The following LRP1B variants were observed in gnomAD, a reference collection of about 807,000 sequenced individuals.
The protein encoded by LRP1B is low-density lipoprotein receptor-related protein 1B.
In LRP1B, 217 loss-of-function variants were observed where a neutral mutation model predicts 556.6. That is an observed-to-expected ratio of 0.39 (90% CI 0.35 to 0.44). The LOEUF is 0.44. LRP1B is among the 20% of genes least tolerant of loss of function. The probability of loss-of-function intolerance (pLI) is 1.00; values close to 1 mark genes in which losing one functional copy is unlikely to be tolerated. For missense variants in LRP1B, 5,053 were observed against 5,620.8 expected, an observed-to-expected ratio of 0.90 and a Z score of 3.23; for synonymous variants, 2,047 against 1,865.8, an observed-to-expected ratio of 1.10 and a Z score of -2.50.
intron 3 of LRP1B, among the ~76,000 whole-genome samples, chr2:141,350,542 T>A (rs1177245968): frequency 6.6e-6 from 1 of 152,100 alleles, no homozygotes; most frequent in African/African-American, 2.4e-5. Context: ...CCTAATCTTT[T>A]CAACTGTCTT....
chr2:140,684,292 C>T (rs1332010561), intron 41 of LRP1B, among the ~76,000 whole-genome samples: 1 of 152,146 alleles, frequency 6.6e-6, no homozygotes, highest in Admixed American at 6.5e-5. Context: ...TCTCATTGAA[C>T]TCTGTTCTCT....
At chr2:141,653,412 G>A (rs987990240) in intron 2 of LRP1B, among the ~76,000 whole-genome samples, 3 of 152,172 alleles carry the variant, frequency 2.0e-5, no homozygotes, top group African/African-American at 7.2e-5. Flanking sequence ...ATCAGTACGT[G>A]TCATAGAAAA....
intron 1 of LRP1B, among the ~76,000 whole-genome samples, chr2:141,889,503 A>C (rs749326442): frequency 6.6e-6 from 1 of 152,178 alleles, no homozygotes; most frequent in Non-Finnish European, 1.5e-5. Flanking sequence ...TCTAATTTTA[A>C]GTATACCTAC....
rs139598722 is a variant in LRP1B at position 140,274,901 on chromosome 2, A to T, written c.12968-303T>A. ...AGTTCCCTTAGCTTTCTTTCTAATG[A>T]ACAACGTAAGTATAGTTTGAAATGA... On this transcript the variant is annotated intron_variant, in intron 84 of 90. Transcript: ENST00000389484. Among the ~76,000 whole-genome samples, 715 of 152,086 alleles carry T rather than the reference A, an allele frequency of 4.7e-3. 3 individuals are homozygous for T. The highest frequency in any genetic ancestry group is 6.7e-3 in the Non-Finnish European group (456 of 67,942).
intron 35 of LRP1B, among the ~76,000 whole-genome samples, chr2:140,747,744 G>A (rs1688366149): frequency 1.3e-5 from 2 of 152,110 alleles, no homozygotes; most frequent in Admixed American, 6.6e-5. Flanking sequence ...TTGATTAAAT[G>A]GAAACAAGAA....
chr2:141,494,128 G>A (rs1683430659), intron 2 of LRP1B, among the ~76,000 whole-genome samples: 1 of 152,144 alleles, frequency 6.6e-6, no homozygotes, highest in African/African-American at 2.4e-5. Flanking sequence ...CTGCCACTTG[G>A]CACAGCCTCA....
intron 35 of LRP1B, among the ~76,000 whole-genome samples, chr2:140,766,853 T>TA (rs1361611277): frequency 0.033 from 1,705 of 52,302 alleles, 52 homozygotes; most frequent in African/African-American, 0.071. Flanking sequence ...ATTATATATA[T>TA]ATATATATAT....
intron 2 of LRP1B, among the ~76,000 whole-genome samples, chr2:141,513,083 C>G (rs1284741999): frequency 6.6e-6 from 1 of 152,108 alleles, no homozygotes; most frequent in East Asian, 1.9e-4. Context: ...TTAGCCTCAG[C>G]AGTTAGAACT....
intron 43 of LRP1B, among the ~76,000 whole-genome samples, chr2:140,598,330 AT>A (rs1271974702): frequency 6.6e-6 from 1 of 152,232 alleles, no homozygotes; most frequent in Non-Finnish European, 1.5e-5. Flanking sequence ...AATGAAGCAT[AT>A]GCAAATCACT....
intron 7 of LRP1B, among the ~76,000 whole-genome samples, chr2:141,115,462 T>TTGG (rs199686380): frequency 0.012 from 1,711 of 145,954 alleles, 47 homozygotes; most frequent in African/African-American, 0.042. Context: ...GTTTTTGTTT[T>TTGG]TTTTTTTTTT....
At chr2:140,390,768 T>TCACACACACACACACACACACA (rs70985096) in intron 66 of LRP1B, among the ~76,000 whole-genome samples, 2 of 143,684 alleles carry the variant, frequency 1.4e-5, no homozygotes, top group Non-Finnish European at 3.1e-5. Context: ...AATAGAAACT[T>TCACACACACACACACACACACA]CACACACACA....
chr2:141,655,580 A>G (rs945759251), intron 2 of LRP1B, among the ~76,000 whole-genome samples: 1 of 152,168 alleles, frequency 6.6e-6, no homozygotes, highest in African/African-American at 2.4e-5. Context: ...TTATTTATCA[A>G]GTACCATAAT....
chr2:141,159,844 G>T (rs1237221207), intron 7 of LRP1B, among the ~76,000 whole-genome samples: 4 of 152,250 alleles, frequency 2.6e-5, no homozygotes, highest in African/African-American at 9.6e-5. Flanking sequence ...CCTTCGCAGG[G>T]ACATGGATGA....
chr2:141,021,629 T>C (rs1698066437), intron 11 of LRP1B, among the ~76,000 whole-genome samples: 1 of 152,062 alleles, frequency 6.6e-6, no homozygotes, highest in Admixed American at 6.6e-5. Context: ...TTGAATTACA[T>C]GTGAAATCTG....
intron 2 of LRP1B, among the ~76,000 whole-genome samples, chr2:141,706,956 T>C (rs942553894): frequency 6.6e-6 from 1 of 152,146 alleles, no homozygotes; most frequent in South Asian, 2.1e-4. Flanking sequence ...CCAAGGTATA[T>C]ACTGTACATT....
rs144343523 is a variant in LRP1B, at chr2:141,230,953, G to A, written c.593-1513C>T. Among the ~76,000 whole-genome samples, 391 of 152,180 alleles carry A rather than the reference G, an allele frequency of 2.6e-3. 2 individuals are homozygous for A. The Middle Eastern group carries it at 0.027, about 11-fold the overall frequency. ...TATCTCTAGCATCTAGAGAAAAAGC[G>A]TAGAACTTAGTGATCATTCAATACC... On this transcript the variant is annotated intron_variant, in intron 5 of 90. Transcript: ENST00000389484.
At chr2:142,112,035 G>T (rs1707005649) in intron 1 of LRP1B, among the ~76,000 whole-genome samples, 1 of 152,044 alleles carries the variant, frequency 6.6e-6, no homozygotes, top group African/African-American at 2.4e-5. Context: ...AGCAGAAGCT[G>T]CAAAGCATTA....
intron 2 of LRP1B, among the ~76,000 whole-genome samples, chr2:141,544,405 C>CCTCCTCCTCCTCCTCCTT (rs1685475268): frequency 1.5e-5 from 1 of 65,880 alleles, no homozygotes; most frequent in Non-Finnish European, 3.4e-5. Flanking sequence ...TCCTCCTCCT[C>CCTCCTCCTCCTCCTCCTT]CTCCTCCTTC....
intron 3 of LRP1B, among the ~76,000 whole-genome samples, chr2:141,331,765 A>C (rs1372623068): frequency 6.6e-6 from 1 of 152,084 alleles, no homozygotes; most frequent in Non-Finnish European, 1.5e-5. Flanking sequence ...TTAATATTGA[A>C]GAATATAAAT....
Sources: gnomAD v4.1 joint callset for allele counts (sites outside exome capture counted in the v4.1 genomes callset) on GRCh38, gnomAD v4.1.1 for gene constraint, MANE v1.5 for transcripts, NCBI Gene and HGNC (gene_info 2026-07-23, HGNC 2026-07-21) for gene names.